VAT1L: variants seen among roughly 807,000 people sequenced by gnomAD.
VAT1L encodes the protein vesicle amine transport 1 like.
Under a neutral mutation model 44.1 loss-of-function variants are expected in VAT1L, and 34 were observed. That is an observed-to-expected ratio of 0.77 (90% CI 0.59 to 1.03). The LOEUF is 1.03. Among genes scored for constraint, VAT1L ranks in the 50% least tolerant of loss-of-function variants. The pLI, the probability that VAT1L is intolerant of heterozygous loss-of-function variation, is 0.00. For synonymous variants in VAT1L, 253 were observed against 202.2 expected (o/e 1.25, Z -2.13); for missense variants, 615 against 538.8 (o/e 1.14, Z -1.40).
intron 7 of VAT1L, chr16:77,892,407 G>C (rs569124171): frequency 5.6e-5 from 24 of 429,710 alleles, no homozygotes; most frequent in Admixed American, 4.0e-4. Context: ...TGGCTCTGCA[G>C]ACACTGCTGC....
intron 7 of VAT1L, among the ~76,000 whole-genome samples, chr16:77,955,910 A>G (rs561869611): frequency 6.6e-6 from 1 of 152,188 alleles, no homozygotes. Flanking sequence ...ACCTGGCAAC[A>G]GTGCATCAAG....
At chr16:77,797,586 G>C (rs574239578) in intron 1 of VAT1L, among the ~76,000 whole-genome samples, 78 of 152,172 alleles carry the variant, frequency 5.1e-4, no homozygotes, top group Middle Eastern at 3.4e-3. Context: ...TCTGGAGCTA[G>C]CTTTGCTAGC....
chr16:77,977,479 A>T, intron 8 of VAT1L, 118 bp from the exon 9 acceptor site: 2 of 989,060 alleles, frequency 2.0e-6, no homozygotes, highest in South Asian at 3.3e-5. Flanking sequence ...CCTTCCAGGG[A>T]AACAAGCAAC....
chr16:77,795,774 C>A (rs191176270), intron 1 of VAT1L, among the ~76,000 whole-genome samples: 1 of 148,754 alleles, frequency 6.7e-6, no homozygotes, highest in African/African-American at 2.5e-5. Flanking sequence ...CTTTATTAAC[C>A]ATTTGTGTTT....
intron 7 of VAT1L, among the ~76,000 whole-genome samples, chr16:77,891,147 G>C (rs929523601): frequency 6.6e-6 from 1 of 152,094 alleles, no homozygotes; most frequent in Admixed American, 6.5e-5. Flanking sequence ...GAGGTGAGGA[G>C]ATCCAGACAA....
At chr16:77,928,155 G>C (rs1257847226) in intron 7 of VAT1L, among the ~76,000 whole-genome samples, 2 of 150,686 alleles carry the variant, frequency 1.3e-5, no homozygotes, top group Admixed American at 1.3e-4. Flanking sequence ...AGACCCCAGA[G>C]CTGGCCTCCT....
At chr16:77,842,917 A>C (rs913297855) in intron 3 of VAT1L, among the ~76,000 whole-genome samples, 3 of 152,232 alleles carry the variant, frequency 2.0e-5, no homozygotes, top group Non-Finnish European at 4.4e-5. Context: ...TTTGACAAGC[A>C]TGCTGCTCAG....
chr16:77,970,995 C>T (rs2018272534), intron 7 of VAT1L, among the ~76,000 whole-genome samples: 1 of 134,712 alleles, frequency 7.4e-6, no homozygotes, highest in South Asian at 2.8e-4. Flanking sequence ...AATATTTAGG[C>T]TAGATCTATT....
intron 1 of VAT1L, among the ~76,000 whole-genome samples, chr16:77,790,405 C>G (rs1227932933): frequency 6.6e-6 from 1 of 152,144 alleles, no homozygotes; most frequent in Non-Finnish European, 1.5e-5. Context: ...AAGACCAGCC[C>G]ACTCCCCCAC....
intron 7 of VAT1L, among the ~76,000 whole-genome samples, chr16:77,957,618 G>C (rs199985092): frequency 3.3e-5 from 5 of 151,740 alleles, no homozygotes; most frequent in African/African-American, 9.7e-5. Context: ...CCAGCTACTC[G>C]GGAGGCTGAG....
intron 3 of VAT1L, among the ~76,000 whole-genome samples, chr16:77,847,120 T>C (rs1220683481): frequency 6.6e-6 from 1 of 152,122 alleles, no homozygotes; most frequent in East Asian, 1.9e-4. Context: ...GATGTTTAAG[T>C]GTATCAGGAG....
At chr16:77,844,408 AT>A (rs149084016) in intron 3 of VAT1L, among the ~76,000 whole-genome samples, 16,065 of 151,180 alleles carry the variant, frequency 0.11, 1,055 homozygotes, top group South Asian at 0.26. Flanking sequence ...TTTATTTTTT[AT>A]TTTTTTTTAT....
intron 7 of VAT1L, among the ~76,000 whole-genome samples, chr16:77,904,888 A>T (rs572303750): frequency 4.2e-4 from 64 of 152,294 alleles, no homozygotes; most frequent in African/African-American, 1.5e-3. Context: ...TTGTAAGCCT[A>T]CTTCTCTTCA....
rs191422932 is a variant in VAT1L, at chr16:77,940,584, C to T, written c.1078-31266C>T. 3.7e-3 allele frequency among the ~76,000 whole-genome samples: 569 copies of T among 152,140 alleles called. 3 individuals are homozygous for T. The highest frequency in any genetic ancestry group is 0.013 in the African/African-American group (543 of 41,510). On this transcript the variant is annotated intron_variant, in intron 7 of 8. Transcript: ENST00000302536. ...GGTCTTAAACTCCTGACCACGTGATCCGCCCGCCTCAGCCTCCCAAAGTGC... is the reference window on the plus strand; with the variant it reads ...GGTCTTAAACTCCTGACCACGTGATTCGCCCGCCTCAGCCTCCCAAAGTGC...
At chr16:77,924,824 C>G (rs1353999060) in intron 7 of VAT1L, among the ~76,000 whole-genome samples, 4 of 152,122 alleles carry the variant, frequency 2.6e-5, no homozygotes, top group Admixed American at 1.3e-4. Flanking sequence ...CCCCCTCTGT[C>G]TAGCAGGGTA....
Position 77,964,379 on chromosome 16 carries a change from C to T in VAT1L, c.1078-7471C>T, listed in dbSNP as rs753598527. Among the ~76,000 whole-genome samples, 263 of 152,266 alleles carry T rather than the reference C, an allele frequency of 1.7e-3. 1 individual carries two copies. Among genetic ancestry groups the T allele is most frequent in the Non-Finnish European group, 3.2e-3 (217 of 68,018 alleles). ...CCCTAAGGGAGAATTTATTTCCTTC[C>T]CTTCTTTAGCTTCCAGAGGCCACGT... On this transcript the variant is annotated intron_variant, in intron 7 of 8. Transcript: ENST00000302536.
intron 7 of VAT1L, among the ~76,000 whole-genome samples, chr16:77,945,146 C>T (rs753310475): frequency 6.6e-6 from 1 of 152,168 alleles, no homozygotes; most frequent in Non-Finnish European, 1.5e-5. Context: ...CAGACCTAGT[C>T]TGTCCAATCT....
intron 1 of VAT1L, among the ~76,000 whole-genome samples, chr16:77,802,998 A>G (rs2016091672): frequency 6.6e-6 from 1 of 152,210 alleles, no homozygotes; most frequent in East Asian, 1.9e-4. Context: ...AGAAGAAAGA[A>G]TAGGGCTCAA....
At chr16:77,913,267 A>T (rs543066662) in intron 7 of VAT1L, among the ~76,000 whole-genome samples, 83 of 152,368 alleles carry the variant, frequency 5.4e-4, no homozygotes, top group Non-Finnish European at 9.1e-4. Context: ...TTAACTATAT[A>T]CACAATATTA....
Sources: gnomAD v4.1 joint callset for allele counts (sites outside exome capture counted in the v4.1 genomes callset) on GRCh38, gnomAD v4.1.1 for gene constraint, MANE v1.5 for transcripts, NCBI Gene and HGNC (gene_info 2026-07-23, HGNC 2026-07-21) for gene names.